SLC22A23: variants seen among roughly 807,000 people sequenced by gnomAD.
SLC22A23 encodes ion transporter protein.
A neutral mutation model predicts 61.0 loss-of-function variants in SLC22A23; 26 were observed. The observed-to-expected ratio is 0.43, with a 90% CI of 0.31 to 0.59. The LOEUF is 0.59. Ranked by LOEUF, SLC22A23 falls within the 20% of genes least tolerant of loss-of-function variation. The pLI is 0.11. For synonymous variants in SLC22A23, 430 were observed against 413.9 expected (o/e 1.04, Z -0.47); for missense variants, 796 against 934.7 (o/e 0.85, Z 1.94).
intron 1 of SLC22A23, among the ~76,000 whole-genome samples, chr6:3,442,337 G>A (rs924792705): frequency 6.6e-6 from 1 of 152,160 alleles, no homozygotes; most frequent in African/African-American, 2.4e-5. Flanking sequence ...ATGGATGATG[G>A]TGCCAGCTGC....
chr6:3,329,350 T>C lies in SLC22A23; in HGVS notation c.914-5348A>G, dbSNP rs1045023951. ...ATACGTTTAAGAAACTCTTGAATGC[T>C]TATGACCATAGAGAGAATATACATT... On this transcript the variant is annotated intron_variant, in intron 3 of 9. Coordinates refer to ENST00000406686, the MANE Select transcript of SLC22A23 (RefSeq NM_015482.2). The surrounding 1 kb of genome is among the most constrained non-coding windows in gnomAD (Gnocchi z 4.8). 6.6e-6 allele frequency among the ~76,000 whole-genome samples: 1 copy of C among 152,248 alleles called. No individual in the cohort carries two copies. Among genetic ancestry groups the C allele is most frequent in the Non-Finnish European group, 1.5e-5 (1 of 68,046 alleles).
In SLC22A23 at chr6:3,355,437, G is replaced by C. The variant is rs571094943; in HGVS notation, c.914-31435C>G. Among the ~76,000 whole-genome samples, 3 of 151,714 alleles carry C rather than the reference G, an allele frequency of 2.0e-5. No homozygotes were observed. The East Asian group carries it at 5.8e-4, about 29-fold the overall frequency. ...AACAAAGCAACCCTCCCTGGGTCGA[G>C]AAAAAAAATCTCCATGATGATCTCT... is the stretch of plus-strand genomic sequence containing the variant. On this transcript the variant is annotated intron_variant, in intron 3 of 9. Coordinates refer to ENST00000406686, the MANE Select transcript of SLC22A23 (RefSeq NM_015482.2).
chr6:3,338,013 G>T (rs1355820493), intron 3 of SLC22A23, among the ~76,000 whole-genome samples: 10 of 152,162 alleles, frequency 6.6e-5, no homozygotes, highest in Non-Finnish European at 1.5e-4. Context: ...AGGAGCAAGA[G>T]GAAGTGAGAT....
Position 3,415,761 on chromosome 6 carries a change from A to G in SLC22A23, c.749T>C (p.Ile250Thr). The change falls in exon 2 of 10, where the codon ATT becomes ACT. Residue 250 changes from isoleucine to threonine, a missense_variant. Transcript: ENST00000406686. ...LIFGYLITGC[I>T]ADWVGRRPVL... ...GCATGTTGGTACTCACCAGTCAGCA[A>G]TGCATCCAGTTATTAGGTAGCCAAA... 2 of 1,551,354 alleles carry G rather than the reference A, an allele frequency of 1.3e-6. No individual in the cohort carries two copies. The highest frequency in any genetic ancestry group is 1.7e-6 in the Non-Finnish European group (2 of 1,146,532).
intron 5 of SLC22A23, among the ~76,000 whole-genome samples, chr6:3,295,089 C>T (rs986205302): frequency 1.3e-5 from 2 of 152,252 alleles, no homozygotes; most frequent in South Asian, 2.1e-4. Context: ...GTCAGGCCTT[C>T]GGCTGGGCTG....
At position 3,372,020 on chromosome 6, in the gene SLC22A23, A is replaced by G. The variant is rs1766250789; in HGVS notation, c.913+38168T>C. Among the ~76,000 whole-genome samples, 1 of 152,210 alleles carries G rather than the reference A, an allele frequency of 6.6e-6. No individual in the cohort carries two copies. ...TCTTCTTTAATCCCACGACCATCCC[A>G]GGAGGTATGTACTCTCATCATCCCT... On this transcript the variant is annotated intron_variant, in intron 3 of 9. Coordinates refer to ENST00000406686, the MANE Select transcript of SLC22A23 (RefSeq NM_015482.2). The surrounding 1 kb of genome is among the most constrained non-coding windows in gnomAD (Gnocchi z 4.7).
chr6:3,280,764 G>A (rs1425875620), intron 9 of SLC22A23, among the ~76,000 whole-genome samples: 1 of 152,104 alleles, frequency 6.6e-6, no homozygotes, highest in African/African-American at 2.4e-5. Flanking sequence ...CCAAAGTGCT[G>A]GGATTACAGG....
intron 1 of SLC22A23, among the ~76,000 whole-genome samples, chr6:3,450,221 A>C (rs1772097629): frequency 6.6e-6 from 1 of 152,246 alleles, no homozygotes; most frequent in Non-Finnish European, 1.5e-5. Flanking sequence ...AATTTTTAAA[A>C]ATAGATATGC....
In SLC22A23 at chr6:3,390,687, G is replaced by A. The variant is rs1046591746; in HGVS notation, c.913+19501C>T. Reference sequence around the variant, plus strand: ...CAGTTCAATGCACCAAAAGCTGGCTGCCACTCAGCATCTCTGAGCCTGGTA... The same window carrying A: ...CAGTTCAATGCACCAAAAGCTGGCTACCACTCAGCATCTCTGAGCCTGGTA... On this transcript the variant is annotated intron_variant, in intron 3 of 9. Coordinates refer to ENST00000406686, the MANE Select transcript of SLC22A23 (RefSeq NM_015482.2). The surrounding 1 kb of genome is among the most constrained non-coding windows in gnomAD (Gnocchi z 4.0). Among the ~76,000 whole-genome samples the A allele has an allele frequency of 1.3e-5, 2 of 152,218 alleles. No homozygotes were observed. The highest frequency in any genetic ancestry group is 2.9e-5 in the Non-Finnish European group (2 of 68,042).
At chr6:3,344,289 A>G (rs1482748498) in intron 3 of SLC22A23, among the ~76,000 whole-genome samples, 3 of 152,244 alleles carry the variant, frequency 2.0e-5, no homozygotes, top group Non-Finnish European at 2.9e-5. Context: ...GGGGAAAACC[A>G]AACAAATTTT....
intron 4 of SLC22A23, among the ~76,000 whole-genome samples, chr6:3,319,738 T>A (rs889702253): frequency 1.3e-5 from 2 of 152,180 alleles, no homozygotes; most frequent in Non-Finnish European, 2.9e-5. Context: ...TGTGAGCTCA[T>A]CTTTAAAGAG....
In SLC22A23 at chr6:3,299,998, C is replaced by CTTTTTT. The variant is rs869114176; in HGVS notation, c.1083-1786_1083-1781dup. On this transcript the variant is annotated intron_variant, in intron 4 of 9. Transcript: ENST00000406686. ...ACCTGCTTTGCAAGCTCAGGATAGA[C>CTTTTTT]TTTTTTTTTTTTTTTTTTTTTTTTT... Among the ~76,000 whole-genome samples the CTTTTTT allele has an allele frequency of 4.9e-4, 39 of 78,804 alleles. 4 individuals are homozygous for CTTTTTT. In the East Asian group the frequency reaches 7.9e-3, roughly 16 times the overall value. The allele number at this position is 78,804 out of a possible 152,430, so 51.7% of individuals were successfully genotyped here.
At chr6:3,385,772 A>C (rs981745149) in intron 3 of SLC22A23, among the ~76,000 whole-genome samples, 2 of 152,176 alleles carry the variant, frequency 1.3e-5, no homozygotes, top group Admixed American at 1.3e-4. Context: ...CCACAAACAC[A>C]TGTGCCTGCA....
chr6:3,299,075 G>A (rs1248108267), intron 4 of SLC22A23, among the ~76,000 whole-genome samples: 1 of 151,332 alleles, frequency 6.6e-6, no homozygotes, highest in Non-Finnish European at 1.5e-5. Context: ...TACATTCTAT[G>A]TACTGCACCA....
At position 3,318,403 on chromosome 6, in the gene SLC22A23, G is replaced by A. The variant is rs971452673; in HGVS notation, c.1082+5431C>T. On this transcript the variant is annotated intron_variant, in intron 4 of 9. Coordinates refer to ENST00000406686, the MANE Select transcript of SLC22A23 (RefSeq NM_015482.2). This position sits in a 1 kb window ranked among gnomAD's most constrained non-coding sequence, Gnocchi z 4.3. ...ACCATCCGCCTGCCCCAGTCACCCCGGGGCCAGCTTCCAGACACCTAGGGA... is the reference window on the plus strand; with the variant it reads ...ACCATCCGCCTGCCCCAGTCACCCCAGGGCCAGCTTCCAGACACCTAGGGA... Among the ~76,000 whole-genome samples, 7 of 152,056 alleles carry A rather than the reference G, an allele frequency of 4.6e-5. No homozygotes were observed. The highest frequency in any genetic ancestry group is 7.4e-5 in the Non-Finnish European group (5 of 68,012).
chr6:3,300,414 T>C (rs111624522), intron 4 of SLC22A23, among the ~76,000 whole-genome samples: 13 of 152,266 alleles, frequency 8.5e-5, no homozygotes, highest in African/African-American at 3.1e-4. Flanking sequence ...AATGTGATAG[T>C]ATTAAGAGAT....
intron 5 of SLC22A23, among the ~76,000 whole-genome samples, chr6:3,296,663 A>AC (rs1761123161): frequency 6.6e-6 from 1 of 152,190 alleles, no homozygotes; most frequent in Non-Finnish European, 1.5e-5. Flanking sequence ...GACCTGGCTC[A>AC]TGTCCTTCTT....
Position 3,273,184 on chromosome 6 carries a change from G to C in SLC22A23, c.1932C>G (p.His644Gln), listed in dbSNP as rs1326348265. The C allele has an allele frequency of 6.2e-7, 1 of 1,612,974 alleles. No individual in the cohort carries two copies. The highest frequency in any genetic ancestry group is 1.7e-5 in the Admixed American group (1 of 59,988). ...GCAGCAGTGGCTGCTCCCCCTTCTTGTGCGGCAGCAGCGGCTGGCGCGTGT... is the reference window on the plus strand; with the variant it reads ...GCAGCAGTGGCTGCTCCCCCTTCTTCTGCGGCAGCAGCGGCTGGCGCGTGT... ...EHYTRQPLLP[H>Q]KKGEQPLLLT... is the part of the protein sequence containing the mutation. The change falls in exon 10 of 10, where the codon CAC becomes CAG. Residue 644 changes from histidine to glutamine, a missense_variant. His to Gln is a conservative substitution (Grantham distance 24). Coordinates refer to ENST00000406686, the MANE Select transcript of SLC22A23 (RefSeq NM_015482.2).
rs1439990644 is a variant in SLC22A23 at position 3,317,950 on chromosome 6, C to G, written c.1082+5884G>C. Among the ~76,000 whole-genome samples the G allele has an allele frequency of 6.6e-6, 1 of 152,296 alleles. No homozygotes were observed. Among genetic ancestry groups the G allele is most frequent in the East Asian group, 1.9e-4 (1 of 5,182 alleles). On this transcript the variant is annotated intron_variant, in intron 4 of 9. Transcript: ENST00000406686. The surrounding 1 kb of genome is among the most constrained non-coding windows in gnomAD (Gnocchi z 4.4). Reference sequence around the variant, plus strand: ...TATAAGCATCCCCAGGCAGCTCGTGCAATGACATCGCTCGCCTATCTTGGC... The same window carrying G: ...TATAAGCATCCCCAGGCAGCTCGTGGAATGACATCGCTCGCCTATCTTGGC...
Sources: gnomAD v4.1 joint callset for allele counts (sites outside exome capture counted in the v4.1 genomes callset) on GRCh38, gnomAD v4.1.1 for gene constraint, Gnocchi (gnomAD v3.1) non-coding constraint, MANE v1.5 for transcripts, NCBI Gene and HGNC (gene_info 2026-07-23, HGNC 2026-07-21) for gene names.